Variants in ZMYND12 observed in about 807,000 individuals in gnomAD.
ZMYND12 encodes zinc finger MYND-type containing 12, also known as zinc finger MYND domain-containing protein 12.
In ZMYND12, 32 loss-of-function variants were observed where a neutral mutation model predicts 41.7. That is an observed-to-expected ratio of 0.77 (90% CI 0.58 to 1.03). ZMYND12 has a LOEUF of 1.03. Among genes scored for constraint, ZMYND12 ranks in the 50% least tolerant of loss-of-function variants. The pLI, the probability that ZMYND12 is intolerant of heterozygous loss-of-function variation, is 0.00. For synonymous variants in ZMYND12, 148 were observed against 164.8 expected, an observed-to-expected ratio of 0.90 and a Z score of 0.78; for missense variants, 424 against 438.5, an observed-to-expected ratio of 0.97 and a Z score of 0.30.
At chr1:42,431,266 TC>T (rs1642847161) in intron 7 of ZMYND12, among the ~76,000 whole-genome samples, 1 of 152,180 alleles carries the variant, frequency 6.6e-6, no homozygotes, top group Admixed American at 6.6e-5. Flanking sequence ...CCTTTCTTCC[TC>T]CCTTCTTCTC....
At chr1:42,442,652 G>C (rs1642983393) in intron 3 of ZMYND12, among the ~76,000 whole-genome samples, 1 of 152,118 alleles carries the variant, frequency 6.6e-6, no homozygotes, top group Non-Finnish European at 1.5e-5. Context: ...TCAACAAAGG[G>C]TTAAGAGGTA....
Position 42,448,525 on chromosome 1 carries a change from A to G in ZMYND12, c.366T>C (p.Tyr122=). ...LQSLRFRVKL[Y]GLSSVELVPA... The stretch of plus-strand genomic sequence containing the variant: ...GCACAAGCTCTACGGAGCTCAGGCC[A>G]TACAGCTTCACACGGAAGCGAAGGG... The change falls in exon 3 of 8, where the codon TAT becomes TAC. Residue 122 remains tyrosine (Y), a synonymous_variant. Transcript: ENST00000372565. 6.2e-7 allele frequency: 1 copy of G among 1,613,762 alleles called. No homozygotes were observed. The highest frequency in any genetic ancestry group is 1.1e-5 in the South Asian group (1 of 90,992).
chr1:42,441,547 T>A (rs1642968674), intron 3 of ZMYND12, among the ~76,000 whole-genome samples: 1 of 152,234 alleles, frequency 6.6e-6, no homozygotes, highest in Non-Finnish European at 1.5e-5. Context: ...TTCTACTATA[T>A]CATTTTTGTC....
intron 3 of ZMYND12, among the ~76,000 whole-genome samples, chr1:42,442,862 A>C (rs922105198): frequency 6.6e-6 from 1 of 152,156 alleles, no homozygotes; most frequent in African/African-American, 2.4e-5. Context: ...CTAAAATGGG[A>C]AACTACTAGA....
At chr1:42,454,636 T>G (rs937210430) in intron 1 of ZMYND12, among the ~76,000 whole-genome samples, 1 of 152,086 alleles carries the variant, frequency 6.6e-6, no homozygotes, top group Admixed American at 6.5e-5. Context: ...TGATCTCATG[T>G]CACTGTCTAG....
At chr1:42,452,215 T>G (rs994887384) in intron 1 of ZMYND12, among the ~76,000 whole-genome samples, 3 of 152,188 alleles carry the variant, frequency 2.0e-5, no homozygotes, top group Admixed American at 1.3e-4. Context: ...GTTTGACATA[T>G]GAAGCGCAAA....
intron 4 of ZMYND12, among the ~76,000 whole-genome samples, chr1:42,437,824 G>A (rs1289260591): frequency 5.3e-5 from 8 of 152,194 alleles, no homozygotes; most frequent in Non-Finnish European, 1.0e-4. Flanking sequence ...TGGAATTACA[G>A]GCACATGCCA....
At chr1:42,439,271 C>CT (rs10657885) in intron 4 of ZMYND12, among the ~76,000 whole-genome samples, 23,794 of 144,338 alleles carry the variant, frequency 0.16, 2,139 homozygotes, top group East Asian at 0.22. Context: ...CTCTCTCTCT[C>CT]TTTTTTTTTT....
chr1:42,432,089 C>T (rs554523190), intron 7 of ZMYND12, among the ~76,000 whole-genome samples: 46 of 134,020 alleles, frequency 3.4e-4, no homozygotes, highest in Middle Eastern at 4.9e-3. Flanking sequence ...CAGGATCTTG[C>T]TCTGTCACCC....
rs775690518 is a variant in ZMYND12 at position 42,448,472 on chromosome 1, C to A, written c.419G>T (p.Ser140Ile). The change falls in exon 3 of 8, where the codon AGC becomes ATC. Residue 140 changes from serine to isoleucine, a missense_variant. Coordinates refer to ENST00000372565, the MANE Select transcript of ZMYND12 (RefSeq NM_032257.5). ...CTCAAGTCGGTTTCACTCACCAAGG[C>A]TGGCCTCGGCCAACAGCAGGTAAGC... ...VPAYLLLAEASLGLGRIVQAE... is the reference protein window; with the variant it reads ...VPAYLLLAEAILGLGRIVQAE... 16 of 1,594,240 alleles carry A rather than the reference C, an allele frequency of 1.0e-5. No individual in the cohort carries two copies. The East Asian group carries it at 3.4e-4, about 34-fold the overall frequency.
chr1:42,441,379 G>A (rs911575862), intron 3 of ZMYND12, among the ~76,000 whole-genome samples: 1 of 152,178 alleles, frequency 6.6e-6, no homozygotes, highest in African/African-American at 2.4e-5. Flanking sequence ...ACTGGTTCCA[G>A]AACCCCCATC....
chr1:42,436,565 G>T, intron 4 of ZMYND12, 22 bp from the exon 5 acceptor site: 1 of 1,610,942 alleles, frequency 6.2e-7, no homozygotes, highest in South Asian at 1.1e-5. Context: ...GGAAGAAGGA[G>T]AGTGCTTGAG....
Position 42,439,951 on chromosome 1 carries a change from T to C in ZMYND12, c.499A>G (p.Ser167Gly). The change falls in exon 4 of 8, where the codon AGT (serine) becomes GGT (glycine). Residue 167 changes from serine to glycine, a missense_variant. Coordinates refer to ENST00000372565, the MANE Select transcript of ZMYND12 (RefSeq NM_032257.5). ...QWTVLKSTDC[S>G]NATHSLLHRN... ...TGCAGTAAAGAGTGGGTGGCATTACTACAGTCAGTTGATTTGAGGACTGTC... is the reference window on the plus strand; with the variant it reads ...TGCAGTAAAGAGTGGGTGGCATTACCACAGTCAGTTGATTTGAGGACTGTC... The C allele has an allele frequency of 1.2e-6, 2 of 1,614,190 alleles. No homozygotes were observed. The highest frequency in any genetic ancestry group is 1.7e-6 in the Non-Finnish European group (2 of 1,180,034).
chr1:42,433,525 G>C (rs979616208), intron 6 of ZMYND12, among the ~76,000 whole-genome samples: 49 of 152,144 alleles, frequency 3.2e-4, no homozygotes, highest in African/African-American at 1.1e-3. Flanking sequence ...GCCATTATCA[G>C]AGTAGCCTAA....
intron 3 of ZMYND12, among the ~76,000 whole-genome samples, chr1:42,448,101 G>T (rs1643042039): frequency 6.6e-6 from 1 of 151,212 alleles, no homozygotes; most frequent in Admixed American, 6.6e-5. Flanking sequence ...AATCTGGTCT[G>T]CAGAGAGGGA....
chr1:42,455,797 G>A, intron 1 of ZMYND12, 91 bp downstream of exon 1: 2 of 974,532 alleles, frequency 2.1e-6, no homozygotes, highest in Non-Finnish European at 3.1e-6. Context: ...AGAGTCAGGG[G>A]CAACGGCTAA....
intron 1 of ZMYND12, among the ~76,000 whole-genome samples, chr1:42,454,491 A>G (rs1012587154): frequency 2.0e-5 from 3 of 152,176 alleles, no homozygotes; most frequent in African/African-American, 7.2e-5. Context: ...CAGCTTCTTG[A>G]TCTGTTATGC....
At chr1:42,441,453 C>G (rs1394518767) in intron 3 of ZMYND12, among the ~76,000 whole-genome samples, 1 of 152,160 alleles carries the variant, frequency 6.6e-6, no homozygotes, top group Non-Finnish European at 1.5e-5. Context: ...TGCATATAAC[C>G]TATGCACATC....
chr1:42,445,785 T>C (rs375294285), intron 3 of ZMYND12, among the ~76,000 whole-genome samples: 1 of 152,194 alleles, frequency 6.6e-6, no homozygotes, highest in African/African-American at 2.4e-5. Context: ...AGAGGAGTGA[T>C]GGGTCACATT....
Sources: allele counts gnomAD v4.1 joint callset (sites outside exome capture counted in the v4.1 genomes callset), GRCh38; gene constraint gnomAD v4.1.1; transcripts MANE v1.5; gene names NCBI Gene and HGNC (gene_info 2026-07-23, HGNC 2026-07-21).